Variants in WDR75 observed in about 807,000 individuals in gnomAD.
The protein encoded by WDR75 is WD repeat-containing protein 75.
WDR75 carries 52 observed loss-of-function variants against 106.1 expected under a neutral mutation model. The observed-to-expected ratio is 0.49, with a 90% CI of 0.39 to 0.62. WDR75 has a LOEUF of 0.62. Among genes scored for constraint, WDR75 ranks in the 20% least tolerant of loss-of-function variants. The pLI is 0.00. For missense variants in WDR75, 905 were observed against 970.3 expected, an observed-to-expected ratio of 0.93 and a Z score of 0.89; for synonymous variants, 333 against 335.5, an observed-to-expected ratio of 0.99 and a Z score of 0.08.
chr2:189,443,384 G>A (rs761972403), intron 1 of WDR75, among the ~76,000 whole-genome samples: 1 of 152,134 alleles, frequency 6.6e-6, no homozygotes, highest in Non-Finnish European at 1.5e-5. Flanking sequence ...TAGTAAGAAT[G>A]GTATATATTA....
At chr2:189,457,259 A>G in intron 5 of WDR75, 52 bp from the exon 6 acceptor site, 1 of 1,311,896 alleles carries the variant, frequency 7.6e-7, no homozygotes, top group Non-Finnish European at 1.1e-6. Context: ...AAAGAAAAAA[A>G]AAAGAGTGTT....
At position 189,458,837 on chromosome 2, in the gene WDR75, C is replaced by T. The variant is rs768217643; in HGVS notation, c.654C>T (p.Ile218=). The T allele has an allele frequency of 8.7e-6, 14 of 1,606,458 alleles. No individual in the cohort carries two copies. The highest frequency in any genetic ancestry group is 2.2e-5 in the East Asian group (1 of 44,446). The part of the protein sequence containing the change: ...CVACHPTEDC[I]ASGHMDGKIR... ...CATGTCACCCAACGGAAGACTGCATCGCATCTGGTCACATGGATGGCAAAA... is the reference window on the plus strand; with the variant it reads ...CATGTCACCCAACGGAAGACTGCATTGCATCTGGTCACATGGATGGCAAAA... The change falls in exon 7 of 21, where the codon ATC becomes ATT. Residue 218 remains isoleucine, a synonymous_variant. Transcript: ENST00000314761.
Position 189,462,487 on chromosome 2 carries a change from C to T in WDR75, c.782C>T (p.Thr261Ile), listed in dbSNP as rs374401269. 1.9e-6 allele frequency: 3 copies of T among 1,613,482 alleles called. No homozygotes were observed. The highest frequency in any genetic ancestry group is 2.5e-6 in the Non-Finnish European group (3 of 1,179,624). The part of the protein sequence containing the change: ...VMDLAFSVTG[T>I]SLLSGGRESV... ...ATTTCCTTGAATGGATATGAAGGCA[C>T]CAGTCTGCTGAGTGGCGGTCGTGAA... Residue 261 changes from threonine to isoleucine, a missense_variant, in exon 9 of 21, where the codon ACC (threonine) becomes ATC (isoleucine). Physicochemically the swap from Thr to Ile is moderately conservative, Grantham distance 89 (BLOSUM62 -1). Transcript: ENST00000314761.
At chr2:189,451,697 T>A (rs1307158881) in intron 3 of WDR75, 108 bp from the exon 4 acceptor site, 38 of 875,348 alleles carry the variant, frequency 4.3e-5, no homozygotes, top group Non-Finnish European at 4.9e-5. Context: ...TCTCCTTATG[T>A]TGGGAATACA....
Position 189,468,506 on chromosome 2 carries a change from A to C in WDR75, c.1660A>C (p.Lys554Gln). Residue 554 changes from lysine to glutamine, a missense_variant, in exon 15 of 21, where the codon AAG becomes CAG. By Grantham distance (53) the Lys-to-Gln change is moderately conservative (BLOSUM62 1). Transcript: ENST00000314761. ...HLCFGRLTCS[K>Q]YLLGATENGI... is the part of the protein sequence containing the mutation. Reference sequence around the variant, plus strand: ...TTGCTTTGGGAGATTGACGTGTTCAAAGTATCTACTTGGTGCTACTGAAAA... The same window carrying C: ...TTGCTTTGGGAGATTGACGTGTTCACAGTATCTACTTGGTGCTACTGAAAA... 6.2e-7 allele frequency: 1 copy of C among 1,613,416 alleles called. No individual in the cohort carries two copies.
intron 9 of WDR75, among the ~76,000 whole-genome samples, chr2:189,463,431 CTCCT>C (rs1240534458): frequency 6.6e-6 from 1 of 152,122 alleles, no homozygotes; most frequent in African/African-American, 2.4e-5. Context: ...ACTCAGGTGA[CTCCT>C]TCACCTTGAA....
At chr2:189,450,882 T>G in intron 2 of WDR75, 21 bp from the exon 3 acceptor site, 1 of 1,599,112 alleles carries the variant, frequency 6.3e-7, no homozygotes, top group Non-Finnish European at 8.5e-7. Flanking sequence ...AAATCAATTT[T>G]GTATTGTTTT....
intron 5 of WDR75, 39 bp from the exon 6 acceptor site, chr2:189,457,272 C>G: frequency 1.5e-6 from 2 of 1,326,544 alleles, no homozygotes; most frequent in Non-Finnish European, 2.1e-6. Flanking sequence ...AGAGTGTTGA[C>G]TATTTTTGTG....
chr2:189,450,437 A>T, intron 2 of WDR75: 1 of 896,202 alleles, frequency 1.1e-6, no homozygotes, highest in Non-Finnish European at 1.3e-6. Flanking sequence ...ATCTCAGCTC[A>T]CTGCAACCTC....
chr2:189,459,391 G>T lies in WDR75; in HGVS notation c.745G>T (p.Asp249Tyr). ...GTACACATGTTTACATTGGCACCAT[G>T]ATATGGTTATGGATTTGGCTTTTTC... ...YTYTCLHWHH[D>Y]MVMDLAFSVT... is the part of the protein sequence containing the mutation. The change falls in exon 8 of 21, where the codon GAT becomes TAT. Residue 249 changes from aspartate (D) to tyrosine (Y), a missense_variant. Transcript: ENST00000314761. 6.2e-7 allele frequency: 1 copy of T among 1,612,856 alleles called. No homozygotes were observed.
chr2:189,453,693 AC>A (rs1236749228), intron 4 of WDR75, among the ~76,000 whole-genome samples: 1 of 152,202 alleles, frequency 6.6e-6, no homozygotes, highest in Non-Finnish European at 1.5e-5. Flanking sequence ...GATAGCTGCT[AC>A]ATAAAAATGT....
intron 4 of WDR75, among the ~76,000 whole-genome samples, chr2:189,453,444 C>T (rs188769993): frequency 2.6e-3 from 402 of 152,242 alleles, no homozygotes; most frequent in African/African-American, 9.1e-3. Flanking sequence ...AAACTTTTTA[C>T]CCATGATTCT....
chr2:189,454,517 G>T (rs1686692838), intron 4 of WDR75, among the ~76,000 whole-genome samples: 1 of 148,750 alleles, frequency 6.7e-6, no homozygotes, highest in African/African-American at 2.5e-5. Context: ...AAGTTGATTT[G>T]TATTTCTTTT....
At chr2:189,451,657 T>C in intron 3 of WDR75, 148 bp from the exon 4 acceptor site, 2 of 610,260 alleles carry the variant, frequency 3.3e-6, no homozygotes, top group South Asian at 2.3e-5. Context: ...TTAACAAATA[T>C]GTATTAGTTG....
chr2:189,464,344 C>T (rs1686958618), intron 11 of WDR75: 1 of 184,104 alleles, frequency 5.4e-6, no homozygotes, highest in African/African-American at 2.4e-5. Context: ...ATAAAATTTT[C>T]AGTGTAGATT....
chr2:189,468,138 C>T (rs1391267752), intron 14 of WDR75, among the ~76,000 whole-genome samples: 4 of 152,104 alleles, frequency 2.6e-5, no homozygotes, highest in Non-Finnish European at 4.4e-5. Flanking sequence ...AAACTTTCTT[C>T]ACAATTGAAA....
At chr2:189,455,890 T>C (rs1686725862) in intron 5 of WDR75, among the ~76,000 whole-genome samples, 1 of 152,220 alleles carries the variant, frequency 6.6e-6, no homozygotes, top group African/African-American at 2.4e-5. Context: ...CAGAAGTCTT[T>C]TCATCTTTTT....
At chr2:189,453,621 T>G (rs1370935915) in intron 4 of WDR75, among the ~76,000 whole-genome samples, 1 of 152,190 alleles carries the variant, frequency 6.6e-6, no homozygotes, top group African/African-American at 2.4e-5. Context: ...CTTCTCATAA[T>G]GAGATCTATT....
Position 189,441,585 on chromosome 2 carries a change from G to C in WDR75, c.86+7G>C. ...TGTTCTCTGCAGATTCTAAGTATGA[G>C]GGGCACCGCGCTTTGTCGGCTGAGG... On this transcript the variant is annotated splice_region_variant and intron_variant, in intron 1 of 20. Transcript: ENST00000314761. 1 of 1,554,736 alleles carries C rather than the reference G, an allele frequency of 6.4e-7. No homozygotes were observed. Among genetic ancestry groups the C allele is most frequent in the Non-Finnish European group, 8.7e-7 (1 of 1,147,984 alleles).
Sources: allele counts gnomAD v4.1 joint callset (sites outside exome capture counted in the v4.1 genomes callset), GRCh38; gene constraint gnomAD v4.1.1; transcripts MANE v1.5; gene names NCBI Gene and HGNC (gene_info 2026-07-23, HGNC 2026-07-21).